MPPED2: variants seen among roughly 807,000 people sequenced by gnomAD.
MPPED2 encodes metallophosphoesterase MPPED2.
MPPED2 carries 5 observed loss-of-function variants against 33.0 expected under a neutral mutation model. That is an observed-to-expected ratio of 0.15 (90% confidence interval 0.08 to 0.32). The LOEUF is 0.32. MPPED2 is among the 10% of genes least tolerant of loss of function. The probability of loss-of-function intolerance (pLI) is 1.00; values close to 1 mark genes in which losing one functional copy is unlikely to be tolerated. For synonymous variants in MPPED2, 136 were observed against 141.9 expected, an observed-to-expected ratio of 0.96 and a Z score of 0.29; for missense variants, 275 against 372.1, an observed-to-expected ratio of 0.74 and a Z score of 2.15.
intron 2 of MPPED2, among the ~76,000 whole-genome samples, chr11:30,545,345 A>C (rs2134572666): frequency 6.6e-6 from 1 of 152,310 alleles, no homozygotes; most frequent in South Asian, 2.1e-4. Context: ...GAGAATGTGA[A>C]GGCAACAGGA....
At chr11:30,506,677 T>C (rs1252187599) in intron 3 of MPPED2, among the ~76,000 whole-genome samples, 1 of 152,184 alleles carries the variant, frequency 6.6e-6, no homozygotes, top group African/African-American at 2.4e-5. Context: ...TCAAATTAAA[T>C]AAAAATAACA....
intron 4 of MPPED2, among the ~76,000 whole-genome samples, chr11:30,476,709 T>C (rs1256808588): frequency 6.6e-6 from 1 of 152,054 alleles, no homozygotes; most frequent in Admixed American, 6.6e-5. Flanking sequence ...ATACTCACTT[T>C]GACTATTCGA....
At chr11:30,384,644 T>C (rs567023058) in exon 7 of MPPED2, 1 of 152,024 alleles carries the variant, frequency 6.6e-6, no homozygotes, top group Non-Finnish European at 1.5e-5. Context: ...GTATTTTTAG[T>C]AGAGACGGGG....
intron 4 of MPPED2, among the ~76,000 whole-genome samples, chr11:30,448,695 G>C (rs1163926168): frequency 8.1e-6 from 1 of 123,354 alleles, no homozygotes; most frequent in Admixed American, 8.5e-5. Flanking sequence ...TTTTTTTTTT[G>C]AGACAGTCTC....
At chr11:30,504,972 G>T in intron 3 of MPPED2, 1 of 423,118 alleles carries the variant, frequency 2.4e-6, no homozygotes, top group Non-Finnish European at 4.6e-6. Flanking sequence ...CACCACAGCG[G>T]AAATGCTCCC....
At chr11:30,492,009 A>G (rs1031426521) in intron 4 of MPPED2, among the ~76,000 whole-genome samples, 1 of 152,248 alleles carries the variant, frequency 6.6e-6, no homozygotes, top group African/African-American at 2.4e-5. Context: ...CAACAGACTT[A>G]AGTCTAAGGA....
chr11:30,558,148 G>T (rs886541298), intron 2 of MPPED2, among the ~76,000 whole-genome samples: 7 of 151,936 alleles, frequency 4.6e-5, no homozygotes, highest in African/African-American at 1.7e-4. Context: ...ACACACACAC[G>T]TATATATTTT....
intron 3 of MPPED2, among the ~76,000 whole-genome samples, chr11:30,501,854 G>T (rs1327436593): frequency 1.3e-5 from 2 of 152,140 alleles, no homozygotes; most frequent in East Asian, 1.9e-4. Context: ...CATTTAACAT[G>T]CCACTTATAA....
chr11:30,441,121 C>T (rs1205355096), intron 4 of MPPED2: 1 of 152,106 alleles, frequency 6.6e-6, no homozygotes, highest in Non-Finnish European at 1.5e-5. Context: ...GGAAATACTG[C>T]TTTTTGGTCT....
intron 4 of MPPED2, among the ~76,000 whole-genome samples, chr11:30,462,370 C>T (rs1950544277): frequency 6.6e-6 from 1 of 152,142 alleles, no homozygotes; most frequent in Non-Finnish European, 1.5e-5. Context: ...GAGCAAAAAT[C>T]ACCCACAACT....
intron 2 of MPPED2, among the ~76,000 whole-genome samples, chr11:30,557,545 C>T (rs1183090443): frequency 1.3e-5 from 2 of 152,128 alleles, no homozygotes; most frequent in Non-Finnish European, 2.9e-5. Context: ...TGAGATTTAG[C>T]ACATGTCCAT....
chr11:30,580,591 G>T, intron 1 of MPPED2, 97 bp from the exon 2 acceptor site: 2 of 1,217,394 alleles, frequency 1.6e-6, no homozygotes, highest in Non-Finnish European at 2.2e-6. Context: ...ACTAGTTCAG[G>T]GAAAATCTGA....
intron 5 of MPPED2, 45 bp downstream of exon 5, chr11:30,417,473 A>G: frequency 8.9e-7 from 1 of 1,121,140 alleles, no homozygotes; most frequent in African/African-American, 1.5e-5. Flanking sequence ...TATGCCTGGA[A>G]AAAAAGGCAT....
intron 3 of MPPED2, among the ~76,000 whole-genome samples, chr11:30,501,325 A>G (rs1031379578): frequency 6.6e-6 from 1 of 152,230 alleles, no homozygotes; most frequent in African/African-American, 2.4e-5. Flanking sequence ...TTCTCATGGC[A>G]GAAACTGGCA....
chr11:30,386,641 G>T (rs889028417), exon 7 of MPPED2: 1 of 398,320 alleles, frequency 2.5e-6, no homozygotes, highest in Admixed American at 4.4e-5. Context: ...CAGAGCTGGG[G>T]TTCAGAATTT....
intron 2 of MPPED2, among the ~76,000 whole-genome samples, chr11:30,565,090 A>G (rs1315634219): frequency 6.6e-6 from 1 of 152,198 alleles, no homozygotes; most frequent in Non-Finnish European, 1.5e-5. Context: ...CCCCACATAT[A>G]TTGTGGAACT....
chr11:30,415,395 T>C (rs1169883997), intron 5 of MPPED2, among the ~76,000 whole-genome samples: 2 of 152,170 alleles, frequency 1.3e-5, no homozygotes, highest in Non-Finnish European at 2.9e-5. Context: ...CTCATGCATG[T>C]GTTTTTCCTG....
intron 2 of MPPED2, among the ~76,000 whole-genome samples, chr11:30,536,945 G>T (rs139602474): frequency 6.6e-6 from 1 of 152,092 alleles, no homozygotes; most frequent in East Asian, 1.9e-4. Context: ...CCTTTTAATG[G>T]GATGTATATA....
rs528895043 is a variant in MPPED2, at chr11:30,438,594, C to A, written c.537-20961G>T. Among the ~76,000 whole-genome samples the A allele has an allele frequency of 4.3e-3, 651 of 152,314 alleles. 2 individuals carry two copies. The highest frequency in any genetic ancestry group is 7.1e-3 in the Non-Finnish European group (481 of 68,016). On this transcript the variant is annotated intron_variant, in intron 4 of 6. Transcript: ENST00000358117. ...GCGGGGCCAGGGGGCAGAAGACCTGCTATTATTTTTTAAACCCATACATAA... is the reference window on the plus strand; with the variant it reads ...GCGGGGCCAGGGGGCAGAAGACCTGATATTATTTTTTAAACCCATACATAA...
Sources: allele counts gnomAD v4.1 joint callset (sites outside exome capture counted in the v4.1 genomes callset), GRCh38; gene constraint gnomAD v4.1.1; transcripts MANE v1.5; gene names NCBI Gene and HGNC (gene_info 2026-07-23, HGNC 2026-07-21).